TUSC3: variants seen among roughly 807,000 people sequenced by gnomAD.
TUSC3 encodes tumor suppressor candidate 3.
TUSC3 carries 45 observed loss-of-function variants against 44.8 expected under a neutral mutation model. The ratio of observed to expected loss-of-function variants is 1.00; its 90% confidence interval spans 0.79 to 1.29. The LOEUF (loss-of-function observed/expected upper bound fraction) is 1.29. TUSC3 is among the 50% of genes most tolerant of loss of function. The pLI is 0.00. For synonymous variants in TUSC3, 212 were observed against 152.9 expected, an observed-to-expected ratio of 1.39 and a Z score of -2.85; for missense variants, 519 against 437.9, an observed-to-expected ratio of 1.19 and a Z score of -1.65.
At chr8:15,755,525 C>A (rs1009606103) in intron 9 of TUSC3, among the ~76,000 whole-genome samples, 1 of 151,896 alleles carries the variant, frequency 6.6e-6, no homozygotes, top group Admixed American at 6.6e-5. Context: ...TAGTTGGGCT[C>A]CTGGGTCTCT....
At chr8:15,756,502 G>A (rs1029847636) in intron 9 of TUSC3, among the ~76,000 whole-genome samples, 8 of 152,190 alleles carry the variant, frequency 5.3e-5, no homozygotes, top group Middle Eastern at 3.4e-3. Context: ...TTTTCATTAA[G>A]TATTCATTTA....
intron 1 of TUSC3, among the ~76,000 whole-genome samples, chr8:15,604,866 A>T (rs1804452198): frequency 6.6e-6 from 1 of 151,788 alleles, no homozygotes; most frequent in Non-Finnish European, 1.5e-5. Flanking sequence ...GACCCAGGAA[A>T]ATGGTTTTAT....
chr8:15,675,051 A>T (rs988388602), intron 6 of TUSC3, among the ~76,000 whole-genome samples: 1 of 151,848 alleles, frequency 6.6e-6, no homozygotes, highest in Non-Finnish European at 1.5e-5. Context: ...AGTACTTGTC[A>T]CCTTACAGTA....
At chr8:15,532,856 G>A (rs1323960104) in intron 2 of TUSC3, among the ~76,000 whole-genome samples, 4 of 152,228 alleles carry the variant, frequency 2.6e-5, no homozygotes, top group East Asian at 1.9e-4. Flanking sequence ...GCAATGGCAC[G>A]ATCTCCGCTC....
intron 1 of TUSC3, among the ~76,000 whole-genome samples, chr8:15,475,345 A>G (rs529446601): frequency 1.3e-5 from 2 of 152,312 alleles, no homozygotes; most frequent in East Asian, 3.9e-4. Flanking sequence ...TCTACACTGC[A>G]TCCCTATCCC....
chr8:15,511,727 G>A (rs537362330), intron 2 of TUSC3, among the ~76,000 whole-genome samples: 26 of 152,114 alleles, frequency 1.7e-4, no homozygotes, highest in African/African-American at 5.5e-4. Context: ...AGAATTAGCC[G>A]GGCGTGGTGG....
the TUSC3 span, among the ~76,000 whole-genome samples, chr8:15,834,913 A>G: frequency 1.3e-5 from 2 of 152,164 alleles, no homozygotes; most frequent in African/African-American, 4.8e-5. Flanking sequence ...CTGACTTTTC[A>G]TGTGCACAGG....
chr8:15,450,905 T>C (rs1800189791), intron 1 of TUSC3, among the ~76,000 whole-genome samples: 1 of 152,130 alleles, frequency 6.6e-6, no homozygotes, highest in Admixed American at 6.5e-5. Context: ...GCCTGAAACA[T>C]GCCGCTGCTG....
At chr8:15,529,112 C>G (rs1041443681) in intron 2 of TUSC3, among the ~76,000 whole-genome samples, 2 of 152,148 alleles carry the variant, frequency 1.3e-5, no homozygotes, top group African/African-American at 4.8e-5. Context: ...TCAATATAAC[C>G]AAATCATATG....
intron 1 of TUSC3, among the ~76,000 whole-genome samples, chr8:15,601,711 G>A (rs1222734909): frequency 2.0e-5 from 3 of 151,596 alleles, no homozygotes; most frequent in Non-Finnish European, 3.0e-5. Flanking sequence ...GGCTGGGAAG[G>A]AAGTAAAGAA....
intron 5 of TUSC3, among the ~76,000 whole-genome samples, chr8:15,665,897 T>C (rs1807637378): frequency 6.6e-6 from 1 of 151,406 alleles, no homozygotes; most frequent in Non-Finnish European, 1.5e-5. Context: ...GAATAGAATA[T>C]GTATCATTGA....
the TUSC3 span, among the ~76,000 whole-genome samples, chr8:15,802,523 G>T: frequency 2.0e-5 from 3 of 152,158 alleles, no homozygotes; most frequent in Admixed American, 6.5e-5. Flanking sequence ...CCGGGTTCAA[G>T]TGATTCTCCT....
the TUSC3 span, among the ~76,000 whole-genome samples, chr8:15,829,689 T>A: frequency 6.6e-6 from 1 of 152,138 alleles, no homozygotes. Flanking sequence ...ATTCTGAGAT[T>A]ATGAAACATT....
At chr8:15,815,872 T>C in the TUSC3 span, among the ~76,000 whole-genome samples, 1 of 152,134 alleles carries the variant, frequency 6.6e-6, no homozygotes, top group African/African-American at 2.4e-5. Context: ...CCAGGGAAAA[T>C]TCCAGAATAA....
chr8:15,767,497 C>G (rs144876710), downstream of TUSC3, among the ~76,000 whole-genome samples: 118 of 150,498 alleles, frequency 7.8e-4, no homozygotes, highest in African/African-American at 2.8e-3. Flanking sequence ...AAAAAGTTTA[C>G]CAAACCACTG....
chr8:15,811,396 G>C, the TUSC3 span, among the ~76,000 whole-genome samples: 1 of 152,144 alleles, frequency 6.6e-6, no homozygotes, highest in East Asian at 1.9e-4. Flanking sequence ...ACGATCATAA[G>C]AGAAAGACCC....
chr8:15,583,161 CAG>C (rs1439134421), intron 1 of TUSC3, among the ~76,000 whole-genome samples: 1 of 152,136 alleles, frequency 6.6e-6, no homozygotes, highest in South Asian at 2.1e-4. Context: ...CTAATGCAAA[CAG>C]GGTGAGATTT....
At chr8:15,601,684 C>A (rs1303976158) in intron 1 of TUSC3, among the ~76,000 whole-genome samples, 1 of 151,402 alleles carries the variant, frequency 6.6e-6, no homozygotes, top group East Asian at 1.9e-4. Context: ...TTATTAGGTT[C>A]AAGGCAAATC....
At chr8:15,601,456 G>T (rs111880139) in intron 1 of TUSC3, among the ~76,000 whole-genome samples, 23 of 151,752 alleles carry the variant, frequency 1.5e-4, no homozygotes, top group African/African-American at 5.3e-4. Context: ...CCTTCTAGTG[G>T]CAAAGGCTGG....
Sources: allele counts gnomAD v4.1 joint callset (sites outside exome capture counted in the v4.1 genomes callset), GRCh38; gene constraint gnomAD v4.1.1; transcripts MANE v1.5; gene names NCBI Gene and HGNC (gene_info 2026-07-23, HGNC 2026-07-21).